GSTK1: variants seen among roughly 807,000 people sequenced by gnomAD.
The protein encoded by GSTK1 is glutathione S-transferase kappa 1, also known as GST class-kappa.
Under a neutral mutation model 30.9 loss-of-function variants are expected in GSTK1, and 25 were observed. The observed-to-expected ratio is 0.81, with a 90% CI of 0.59 to 1.13. The LOEUF (loss-of-function observed/expected upper bound fraction) is 1.13. Among genes scored for constraint, GSTK1 ranks in the 50% most tolerant of loss-of-function variants. The probability of loss-of-function intolerance (pLI) is 0.00; values close to 1 mark genes in which losing one functional copy is unlikely to be tolerated. For missense variants in GSTK1, 292 were observed against 292.4 expected (o/e 1.00, Z 0.01); for synonymous variants, 108 against 112.5 (o/e 0.96, Z 0.25).
At chr7:143,265,345 C>G in intron 5 of GSTK1, 49 bp downstream of exon 5, 3 of 1,492,140 alleles carry the variant, frequency 2.0e-6, no homozygotes, top group Non-Finnish European at 2.7e-6. Context: ...AATCTGAGAA[C>G]AGTTGGCGTT....
chr7:143,266,309 G>A (rs201544550), intron 5 of GSTK1, among the ~76,000 whole-genome samples: 14 of 152,176 alleles, frequency 9.2e-5, no homozygotes, highest in Admixed American at 7.9e-4. Context: ...GTGTTTACAG[G>A]AATGAGCCAC....
rs759074964 is a variant in GSTK1 at position 143,264,095 on chromosome 7, C to T, written c.82C>T (p.Arg28Trp). The T allele has an allele frequency of 2.5e-6, 4 of 1,613,968 alleles. No homozygotes were observed. The highest frequency in any genetic ancestry group is 3.4e-6 in the Non-Finnish European group (4 of 1,179,870). The change falls in exon 2 of 8, where the codon CGG becomes TGG. Residue 28 changes from arginine (R) to tryptophan (W), a missense_variant. Arg to Trp is a moderately radical substitution (Grantham distance 101). Coordinates refer to ENST00000358406, the MANE Select transcript of GSTK1 (RefSeq NM_015917.3). ...YSWLGFEILC[R>W]YQNIWNINLQ... ...TGACCTCTGCCCGCAGATCCTGTGC[C>T]GGTATCAGAATATCTGGAACATCAA...
intron 6 of GSTK1, 53 bp downstream of exon 6, chr7:143,267,786 G>A (rs1586427696): frequency 1.6e-6 from 2 of 1,282,012 alleles, no homozygotes; most frequent in Admixed American, 1.7e-5. Flanking sequence ...ATGGAGACTT[G>A]AGAATCTCTA....
chr7:143,265,939 A>G (rs942549802), intron 5 of GSTK1, among the ~76,000 whole-genome samples: 10 of 150,800 alleles, frequency 6.6e-5, no homozygotes, highest in Non-Finnish European at 1.5e-4. Context: ...AATGGCAAAT[A>G]TATCTTCTAC....
rs763985050 is a variant in GSTK1, at chr7:143,264,684, G to A, written c.283+8G>A. 3 of 1,613,974 alleles carry A rather than the reference G, an allele frequency of 1.9e-6. No individual in the cohort carries two copies. The highest frequency in any genetic ancestry group is 2.5e-6 in the Non-Finnish European group (3 of 1,179,962). ...CTGTGATGCTTGAAAAAGGTGAAGA[G>A]AGTGGGATGTAGACAGGGTATCCAG... On this transcript the variant is annotated splice_region_variant and intron_variant, in intron 3 of 7. Transcript: ENST00000358406.
chr7:143,265,791 A>G (rs1182484320), intron 5 of GSTK1, among the ~76,000 whole-genome samples: 1 of 152,238 alleles, frequency 6.6e-6, no homozygotes, highest in Non-Finnish European at 1.5e-5. Context: ...ATGGGGGTAT[A>G]AAAGTAAGTT....
At chr7:143,263,876 A>G (rs958632309) in intron 1 of GSTK1, 11 of 607,208 alleles carry the variant, frequency 1.8e-5, no homozygotes, top group South Asian at 4.0e-5. Context: ...TCTTAGCCCA[A>G]CGATGGCAGT....
Position 143,269,076 on chromosome 7 carries a change from G to C in GSTK1, c.*239G>C, listed in dbSNP as rs1800965423. On this transcript the variant is annotated 3_prime_UTR_variant, in exon 8 of 8. Transcript: ENST00000358406. ...GTGCCTTTCAGAGAGCCCCAATTCTGCTTTCCCACAAAATAAACCTAATGC... is the reference window on the plus strand; with the variant it reads ...GTGCCTTTCAGAGAGCCCCAATTCTCCTTTCCCACAAAATAAACCTAATGC... The C allele has an allele frequency of 1.8e-6, 1 of 552,882 alleles. No homozygotes were observed. The highest frequency in any genetic ancestry group is 3.1e-5 in the East Asian group (1 of 31,846). 34.2% of individuals were successfully genotyped at this position (552,882 alleles called of 1,614,324 possible).
intron 5 of GSTK1, among the ~76,000 whole-genome samples, chr7:143,266,653 C>CTTTTTTTTTTTTTTTTTTT (rs35527374): frequency 4.7e-5 from 3 of 63,332 alleles, no homozygotes; most frequent in Non-Finnish European, 5.8e-5. Flanking sequence ...TTCTTTCTTT[C>CTTTTTTTTTTTTTTTTTTT]TTTTTTTTTT....
At chr7:143,266,653 C>CTTTTTTTTTTTTTTTTTTTT (rs35527374) in intron 5 of GSTK1, among the ~76,000 whole-genome samples, 2 of 63,332 alleles carry the variant, frequency 3.2e-5, no homozygotes, top group African/African-American at 1.5e-4. Flanking sequence ...TTCTTTCTTT[C>CTTTTTTTTTTTTTTTTTTTT]TTTTTTTTTT....
rs1329869726 is a variant in GSTK1, at chr7:143,264,908, G to A, written c.284-84G>A. On this transcript the variant is annotated intron_variant, in intron 3 of 7. Coordinates refer to ENST00000358406, the MANE Select transcript of GSTK1 (RefSeq NM_015917.3). ...GAGGCTGAGGGCGGAGGAGCTCTGG[G>A]GGATGTCAGAAGCAAGGAAGAGCTA... 6.2e-6 allele frequency: 9 copies of A among 1,446,572 alleles called. No homozygotes were observed. The East Asian group carries it at 9.1e-5, about 15-fold the overall frequency. The allele number at this position is 1,446,572 out of a possible 1,614,324, so 89.6% of individuals were successfully genotyped here. A position where few individuals can be genotyped will look rare whatever the true frequency, so the allele number is the denominator to read the frequency against.
intron 5 of GSTK1, among the ~76,000 whole-genome samples, chr7:143,265,731 T>C (rs1474128548): frequency 6.6e-6 from 1 of 152,134 alleles, no homozygotes; most frequent in African/African-American, 2.4e-5. Context: ...TATAGGAGCC[T>C]GAGTGAGAAC....
In GSTK1 at chr7:143,268,043, A is replaced by C; in HGVS notation, c.538-48A>C. Reference sequence around the variant, plus strand: ...ACTCAAAGGTTTCAACCCCTGCCTAATACCTGCTCCTTTGCCTTCCTCCTT... The same window carrying C: ...ACTCAAAGGTTTCAACCCCTGCCTACTACCTGCTCCTTTGCCTTCCTCCTT... On this transcript the variant is annotated intron_variant, in intron 6 of 7. Coordinates refer to ENST00000358406, the MANE Select transcript of GSTK1 (RefSeq NM_015917.3). This position sits in a 1 kb window ranked among gnomAD's most constrained non-coding sequence, Gnocchi z 4.1. 458 of 1,441,460 alleles carry C rather than the reference A, an allele frequency of 3.2e-4. No homozygotes were observed. Among genetic ancestry groups the C allele is most frequent in the Non-Finnish European group, 4.1e-4 (422 of 1,032,562 alleles). 89.3% of individuals were successfully genotyped at this position (1,441,460 alleles called of 1,614,324 possible). A position where few individuals can be genotyped will look rare whatever the true frequency, so the allele number is the denominator to read the frequency against.
intron 5 of GSTK1, among the ~76,000 whole-genome samples, chr7:143,266,023 C>CTTTTTTTTTTT (rs11296238): frequency 8.7e-5 from 6 of 69,254 alleles, no homozygotes; most frequent in Non-Finnish European, 1.3e-4. Flanking sequence ...ATTTTCCATG[C>CTTTTTTTTTTT]TTTTTTTTTT....
At chr7:143,265,639 C>T (rs1480245980) in intron 5 of GSTK1, among the ~76,000 whole-genome samples, 1 of 152,166 alleles carries the variant, frequency 6.6e-6, no homozygotes. Context: ...ACAAACCTCA[C>T]CAACACATCC....
Position 143,264,984 on chromosome 7 carries a change from C to T in GSTK1, c.284-8C>T. On this transcript the variant is annotated splice_polypyrimidine_tract_variant and splice_region_variant and intron_variant, in intron 3 of 7. Transcript: ENST00000358406. The stretch of plus-strand genomic sequence containing the variant: ...GGAGCCCTGCCTCTGGGTGCCTCTG[C>T]CCCACAGGAAGTTTGTCTGCCATGC... 3 of 1,613,290 alleles carry T rather than the reference C, an allele frequency of 1.9e-6. No homozygotes were observed. Among genetic ancestry groups the T allele is most frequent in the Non-Finnish European group, 2.5e-6 (3 of 1,179,440 alleles).
chr7:143,264,667 C>G lies in GSTK1; in HGVS notation c.274C>G (p.Leu92Val). 6.2e-7 allele frequency: 1 copy of G among 1,614,002 alleles called. No homozygotes were observed. Among genetic ancestry groups the G allele is most frequent in the Non-Finnish European group, 8.5e-7 (1 of 1,179,962 alleles). Reference protein sequence around the residue: ...HFPKDFLSVMLEKGSLSAMRF... With the variant: ...HFPKDFLSVMVEKGSLSAMRF... ...CCCCAAGGATTTCTTGTCTGTGATG[C>G]TTGAAAAAGGTGAAGAGAGTGGGAT... is the stretch of plus-strand genomic sequence containing the variant. Residue 92 changes from leucine to valine, a missense_variant, in exon 3 of 8, where the codon CTT becomes GTT. Leu to Val is a conservative substitution (Grantham distance 32). Coordinates refer to ENST00000358406, the MANE Select transcript of GSTK1 (RefSeq NM_015917.3).
Position 143,268,765 on chromosome 7 carries a change from A to G in GSTK1, c.632-23A>G, listed in dbSNP as rs1234149917. On this transcript the variant is annotated intron_variant, in intron 7 of 7. Transcript: ENST00000358406. This position sits in a 1 kb window ranked among gnomAD's most constrained non-coding sequence, Gnocchi z 4.1. The stretch of plus-strand genomic sequence containing the variant: ...CAGAACACCTGAGAACAGTGTGCAG[A>G]GTCTGTTGTTTTCTTCATCCAGGAG... The G allele has an allele frequency of 6.2e-7, 1 of 1,611,254 alleles. No homozygotes were observed. The highest frequency in any genetic ancestry group is 1.7e-5 in the Admixed American group (1 of 59,996).
In GSTK1 at chr7:143,268,644, A is replaced by C; in HGVS notation, c.632-144A>C. The C allele has an allele frequency of 2.9e-6, 2 of 681,110 alleles. No individual in the cohort carries two copies. The highest frequency in any genetic ancestry group is 5.4e-5 in the East Asian group (2 of 37,096). 42.2% of individuals were successfully genotyped at this position (681,110 alleles called of 1,614,324 possible). The stretch of plus-strand genomic sequence containing the variant: ...GGTTGAGTGGGCAGGGGCTGTCTTC[A>C]ACCCCATAAAAGAAAAGGAAGCCTT... On this transcript the variant is annotated intron_variant, in intron 7 of 7. Transcript: ENST00000358406. This position sits in a 1 kb window ranked among gnomAD's most constrained non-coding sequence, Gnocchi z 4.1.
Sources: gnomAD v4.1 joint callset for allele counts (sites outside exome capture counted in the v4.1 genomes callset) on GRCh38, gnomAD v4.1.1 for gene constraint, Gnocchi (gnomAD v3.1) non-coding constraint, MANE v1.5 for transcripts, NCBI Gene and HGNC (gene_info 2026-07-23, HGNC 2026-07-21) for gene names.